Variants in MAGEA12 observed in about 807,000 individuals in gnomAD.
MAGEA12 encodes MAGE family member A12.
For synonymous variants in MAGEA12, 135 were observed against 104.7 expected (o/e 1.29, Z -1.77); for missense variants, 235 against 240.1 (o/e 0.98, Z 0.14).
At position 152,736,436 on chromosome X, in the gene MAGEA12, A is replaced by G; in HGVS notation, c.275A>G (p.Gln92Arg). 2 of 1,211,860 alleles carry G rather than the reference A, an allele frequency of 1.7e-6. No individual in the cohort carries two copies. The highest frequency in any genetic ancestry group is 3.5e-5 in the South Asian group (2 of 56,968). Residue 92 changes from glutamine (Q) to arginine (R), a missense_variant, in exon 3 of 3, where the codon CAG becomes CGG. Transcript: ENST00000393869. ...QSDEGSSNEE[Q>R]EGPSTFPDLE... ...GATGAGGGCTCCAGCAACGAAGAACAGGAAGGGCCAAGCACCTTTCCTGAC... is the reference window on the plus strand; with the variant it reads ...GATGAGGGCTCCAGCAACGAAGAACGGGAAGGGCCAAGCACCTTTCCTGAC...
At position 152,736,167 on chromosome X, in the gene MAGEA12, A is replaced by C; in HGVS notation, c.6A>C (p.Pro2=). The change falls in exon 3 of 3, where the codon CCA becomes CCC. Residue 2 remains proline, a synonymous_variant. Transcript: ENST00000393869. Reference sequence around the variant, plus strand: ...CTGCCCTGACCAGAGTCATCATGCCACTTGAGCAGAGGAGTCAGCACTGCA... The same window carrying C: ...CTGCCCTGACCAGAGTCATCATGCCCCTTGAGCAGAGGAGTCAGCACTGCA... M[P]LEQRSQHCKP... The C allele has an allele frequency of 8.3e-7, 1 of 1,211,060 alleles. No homozygotes were observed. The highest frequency in any genetic ancestry group is 1.1e-6 in the Non-Finnish European group (1 of 895,161).
At chrX:152,733,986 C>CCACCT (rs1272653273) in intron 1 of MAGEA12, 127 bp downstream of exon 1, 1 of 110,286 alleles carries the variant, frequency 9.1e-6, no homozygotes, top group African/African-American at 3.3e-5. Context: ...TGAGTCGCCA[C>CCACCT]CACCTCACCC....
intron 1 of MAGEA12, 35 bp from the exon 2 acceptor site, chrX:152,735,113 G>C (rs1249506500): frequency 8.9e-6 from 1 of 112,585 alleles, no homozygotes; most frequent in Non-Finnish European, 1.9e-5. Context: ...ACCTGGGAGT[G>C]ACAGGATGTG....
In MAGEA12 at chrX:152,736,433, A is replaced by C. The variant is rs781800825; in HGVS notation, c.272A>C (p.Glu91Ala). The C allele has an allele frequency of 8.3e-7, 1 of 1,211,816 alleles. No individual in the cohort carries two copies. The highest frequency in any genetic ancestry group is 2.2e-5 in the Admixed American group (1 of 46,084). ...SQSDEGSSNEEQEGPSTFPDL... is the reference protein window; with the variant it reads ...SQSDEGSSNEAQEGPSTFPDL... ...TCCGATGAGGGCTCCAGCAACGAAG[A>C]ACAGGAAGGGCCAAGCACCTTTCCT... Residue 91 changes from glutamate to alanine, a missense_variant, in exon 3 of 3, where the codon GAA (glutamate) becomes GCA (alanine). By Grantham distance (107) the Glu-to-Ala change is moderately radical (BLOSUM62 -1). Transcript: ENST00000393869.
At chrX:152,734,262 A>T (rs1300755706) in intron 1 of MAGEA12, among the ~76,000 whole-genome samples, 6 of 90,872 alleles carry the variant, frequency 6.6e-5, no homozygotes, top group African/African-American at 2.5e-4. Flanking sequence ...ATCCCCACCC[A>T]TCCTGGCAGA....
chrX:152,734,766 A>G (rs1171001011), intron 1 of MAGEA12, among the ~76,000 whole-genome samples: 1 of 112,368 alleles, frequency 8.9e-6, no homozygotes, highest in African/African-American at 3.2e-5. Context: ...GAGGAATCCC[A>G]GGATCTGCCG....
At position 152,736,292 on chromosome X, in the gene MAGEA12, C is replaced by G. The variant is rs1932319493; in HGVS notation, c.131C>G (p.Thr44Ser). ...CAGGAGACTGCCTCCTCCTCCTCTA[C>G]TCTAGTGGAAGTCACCCTGCGGGAG... The part of the protein sequence containing the change: ...EEQETASSSS[T>S]LVEVTLREVP... Residue 44 changes from threonine to serine, a missense_variant, in exon 3 of 3, where the codon ACT becomes AGT. By Grantham distance (58) the Thr-to-Ser change is moderately conservative. Coordinates refer to ENST00000393869, the MANE Select transcript of MAGEA12 (RefSeq NM_001166387.4). The G allele has an allele frequency of 8.3e-7, 1 of 1,211,652 alleles. No individual in the cohort carries two copies. The highest frequency in any genetic ancestry group is 1.1e-6 in the Non-Finnish European group (1 of 895,379).
intron 1 of MAGEA12, among the ~76,000 whole-genome samples, chrX:152,734,268 G>A (rs1235092965): frequency 2.7e-5 from 3 of 109,100 alleles, no homozygotes; most frequent in African/African-American, 1.0e-4. Flanking sequence ...ACCCATCCTG[G>A]CAGAATCGGA....
rs1442243512 is a variant in MAGEA12 at position 152,737,571 on chromosome X, A to G, written c.*465A>G. 3.0e-5 allele frequency: 6 copies of G among 198,567 alleles called. No homozygotes were observed. The highest frequency in any genetic ancestry group is 4.9e-5 in the Non-Finnish European group (5 of 102,548). 16.4% of individuals were successfully genotyped at this position (198,567 alleles called of 1,213,427 possible). A position where few individuals can be genotyped will look rare whatever the true frequency, so the allele number is the denominator to read the frequency against. On this transcript the variant is annotated 3_prime_UTR_variant, in exon 3 of 3. Transcript: ENST00000393869. ...TTAAAAGATACTTAATTCTTGCCTTATACCTCACTCTATTCTGTAAATTTG... is the reference window on the plus strand; with the variant it reads ...TTAAAAGATACTTAATTCTTGCCTTGTACCTCACTCTATTCTGTAAATTTG...
Position 152,736,864 on chromosome X carries a change from G to A in MAGEA12, c.703G>A (p.Glu235Lys). ...LSVLEASDGREDSVFAHPRKL... is the reference protein window; with the variant it reads ...LSVLEASDGRKDSVFAHPRKL... The stretch of plus-strand genomic sequence containing the variant: ...TGTGTTGGAGGCATCTGATGGGAGG[G>A]AGGACAGTGTCTTTGCGCATCCCAG... The change falls in exon 3 of 3, where the codon GAG (glutamate) becomes AAG (lysine). Residue 235 changes from glutamate to lysine, a missense_variant. Glu to Lys is a moderately conservative substitution (Grantham distance 56, BLOSUM62 1). Coordinates refer to ENST00000393869, the MANE Select transcript of MAGEA12 (RefSeq NM_001166387.4). The A allele has an allele frequency of 8.3e-7, 1 of 1,212,031 alleles. No individual in the cohort carries two copies. Among genetic ancestry groups the A allele is most frequent in the Non-Finnish European group, 1.1e-6 (1 of 895,599 alleles).
chrX:152,734,537 A>G (rs868988971), intron 1 of MAGEA12, among the ~76,000 whole-genome samples: 5 of 111,542 alleles, frequency 4.5e-5, no homozygotes, highest in Admixed American at 2.8e-4. Context: ...TCCTAGGGAT[A>G]CAGACCCACT....
In MAGEA12 at chrX:152,736,642, G is replaced by A; in HGVS notation, c.481G>A (p.Val161Ile). 1 of 1,211,919 alleles carries A rather than the reference G, an allele frequency of 8.3e-7. No individual in the cohort carries two copies. Among genetic ancestry groups the A allele is most frequent in the Non-Finnish European group, 1.1e-6 (1 of 895,592 alleles). The change falls in exon 3 of 3, where the codon GTC becomes ATC. Residue 161 changes from valine to isoleucine, a missense_variant. By Grantham distance (29) the Val-to-Ile change is conservative (BLOSUM62 3). Coordinates refer to ENST00000393869, the MANE Select transcript of MAGEA12 (RefSeq NM_001166387.4). ...FSKASEYLQL[V>I]FGIEVVEVVR... The stretch of plus-strand genomic sequence containing the variant: ...CAAAGCCTCCGAGTACTTGCAGCTG[G>A]TCTTTGGCATCGAGGTGGTGGAAGT...
chrX:152,735,500 G>C (rs190552573), intron 2 of MAGEA12, among the ~76,000 whole-genome samples: 4 of 111,939 alleles, frequency 3.6e-5, no homozygotes, highest in African/African-American at 1.3e-4. Flanking sequence ...GACCAAGCAG[G>C]CTCGTCACCC....
Position 152,736,168 on chromosome X carries a change from C to G in MAGEA12, c.7C>G (p.Leu3Val). ...TGCCCTGACCAGAGTCATCATGCCACTTGAGCAGAGGAGTCAGCACTGCAA... is the reference window on the plus strand; with the variant it reads ...TGCCCTGACCAGAGTCATCATGCCAGTTGAGCAGAGGAGTCAGCACTGCAA... MP[L>V]EQRSQHCKPE... The change falls in exon 3 of 3, where the codon CTT (leucine) becomes GTT (valine). Residue 3 changes from leucine to valine, a missense_variant. Leu to Val is a conservative substitution (Grantham distance 32). Transcript: ENST00000393869. The G allele has an allele frequency of 8.3e-7, 1 of 1,211,522 alleles. No individual in the cohort carries two copies. The highest frequency in any genetic ancestry group is 1.1e-6 in the Non-Finnish European group (1 of 895,335).
In MAGEA12 at chrX:152,737,282, G is replaced by T; in HGVS notation, c.*176G>T. ...TTTCTGTTCTATTGGATGACTTTGAGATTTATCTTTGTTTCCTGTTGGAAT... is the reference window on the plus strand; with the variant it reads ...TTTCTGTTCTATTGGATGACTTTGATATTTATCTTTGTTTCCTGTTGGAAT... On this transcript the variant is annotated 3_prime_UTR_variant, in exon 3 of 3. Transcript: ENST00000393869. The T allele has an allele frequency of 1.8e-6, 1 of 568,930 alleles. No individual in the cohort carries two copies. Among genetic ancestry groups the T allele is most frequent in the Non-Finnish European group, 3.1e-6 (1 of 327,163 alleles). 46.9% of individuals were successfully genotyped at this position (568,930 alleles called of 1,213,427 possible). A position where few individuals can be genotyped will look rare whatever the true frequency, so the allele number is the denominator to read the frequency against.
chrX:152,735,894 G>A (rs1556226322), intron 2 of MAGEA12, among the ~76,000 whole-genome samples, 193 bp from the exon 3 acceptor site: 1 of 112,451 alleles, frequency 8.9e-6, no homozygotes, highest in South Asian at 3.7e-4. Flanking sequence ...AGTGTCCTGA[G>A]GTCACAGAGC....
intron 2 of MAGEA12, among the ~76,000 whole-genome samples, chrX:152,735,460 C>G (rs2233053): frequency 1.8e-5 from 2 of 110,263 alleles, no homozygotes; most frequent in Non-Finnish European, 3.8e-5. Flanking sequence ...TAGAGGGAGG[C>G]TCTCAGGCCC....
rs782229490 is a variant in MAGEA12, at chrX:152,736,905, A to G, written c.744A>G (p.Gln248=). The change falls in exon 3 of 3, where the codon CAA becomes CAG. Residue 248 remains glutamine (Q), a synonymous_variant. Transcript: ENST00000393869. ...CGCATCCCAGGAAGCTGCTCACCCA[A>G]GATTTGGTGCAGGAAAACTACCTGG... ...VFAHPRKLLT[Q]DLVQENYLEY... is the part of the protein sequence containing the mutation. The G allele has an allele frequency of 3.3e-5, 40 of 1,210,309 alleles. No individual in the cohort carries two copies. The highest frequency in any genetic ancestry group is 4.4e-5 in the Non-Finnish European group (39 of 895,286).
chrX:152,736,415 A>T lies in MAGEA12; in HGVS notation c.254A>T (p.Glu85Val). 8.3e-7 allele frequency: 1 copy of T among 1,211,586 alleles called. No homozygotes were observed. Among genetic ancestry groups the T allele is most frequent in the South Asian group, 1.8e-5 (1 of 56,929 alleles). Reference protein sequence around the residue: ...INYTLWSQSDEGSSNEEQEGP... With the variant: ...INYTLWSQSDVGSSNEEQEGP... ...TATACTCTCTGGAGTCAATCCGATG[A>T]GGGCTCCAGCAACGAAGAACAGGAA... is the stretch of plus-strand genomic sequence containing the variant. Residue 85 changes from glutamate (E) to valine (V), a missense_variant, in exon 3 of 3, where the codon GAG becomes GTG. Glu to Val is a moderately radical substitution (Grantham distance 121). Transcript: ENST00000393869.
Sources: gnomAD v4.1 joint callset for allele counts (sites outside exome capture counted in the v4.1 genomes callset) on GRCh38, gnomAD v4.1.1 for gene constraint, MANE v1.5 for transcripts, NCBI Gene and HGNC (gene_info 2026-07-23, HGNC 2026-07-21) for gene names.